SKIC2: variants seen among roughly 807,000 people sequenced by gnomAD.
The protein encoded by SKIC2 is SKI2 subunit of superkiller complex.
chr6:31,959,959 C>A, the SKIC2 span: 2 of 1,293,698 alleles, frequency 1.5e-6, no homozygotes, highest in Non-Finnish European at 2.2e-6. Context: ...CTTTTGTCTG[C>A]ATTTTATCCT....
At chr6:31,960,424 T>G in the SKIC2 span, 1 of 1,611,256 alleles carries the variant, frequency 6.2e-7, no homozygotes, top group East Asian at 2.2e-5. Context: ...TCTGATCTCT[T>G]GCCTTAGGTC....
the SKIC2 span, chr6:31,967,650 C>T: frequency 1.3e-6 from 2 of 1,570,840 alleles, no homozygotes. This position sits in a 1 kb window ranked among gnomAD's most constrained non-coding sequence, Gnocchi z 4.9. Flanking sequence ...GGGTGGGTAT[C>T]TGGTCTCTGC....
the SKIC2 span, chr6:31,965,983 C>A: frequency 6.2e-7 from 1 of 1,607,456 alleles, no homozygotes. The surrounding 1 kb of genome is among the most constrained non-coding windows in gnomAD (Gnocchi z 5.6). Flanking sequence ...GCCGAGTGCC[C>A]GAGATGGCAG....
the SKIC2 span, chr6:31,964,378 C>G: frequency 6.5e-7 from 1 of 1,541,562 alleles, no homozygotes; most frequent in Non-Finnish European, 8.9e-7. This position sits in a 1 kb window ranked among gnomAD's most constrained non-coding sequence, Gnocchi z 5.0. Flanking sequence ...CCTCAGGGTG[C>G]TTGTTGCCCA....
At chr6:31,967,214 A>AGAG in the SKIC2 span, 1 of 1,608,860 alleles carries the variant, frequency 6.2e-7, no homozygotes, top group Admixed American at 1.7e-5. This position sits in a 1 kb window ranked among gnomAD's most constrained non-coding sequence, Gnocchi z 4.9. Flanking sequence ...GGTGCTACTA[A>AGAG]ACTTAGTCCA....
chr6:31,968,337 T>C, the SKIC2 span: 5 of 1,612,330 alleles, frequency 3.1e-6, no homozygotes, highest in Non-Finnish European at 4.2e-6. This position sits in a 1 kb window ranked among gnomAD's most constrained non-coding sequence, Gnocchi z 6.1. Flanking sequence ...GGAAGGATCC[T>C]CCCCTTGCAG....
At chr6:31,965,868 G>A in the SKIC2 span, 1 of 1,613,040 alleles carries the variant, frequency 6.2e-7, no homozygotes, top group Non-Finnish European at 8.5e-7. This position sits in a 1 kb window ranked among gnomAD's most constrained non-coding sequence, Gnocchi z 5.6. Context: ...AAACACGATG[G>A]CTCCACCTTC....
the SKIC2 span, chr6:31,960,904 C>A: frequency 1.1e-6 from 1 of 875,300 alleles, no homozygotes; most frequent in South Asian, 1.5e-5. Flanking sequence ...CCTTTACTGT[C>A]ATCTGTTGGG....
the SKIC2 span, chr6:31,965,908 G>A: frequency 2.6e-5 from 42 of 1,613,008 alleles, no homozygotes; most frequent in Non-Finnish European, 3.1e-5. The surrounding 1 kb of genome is among the most constrained non-coding windows in gnomAD (Gnocchi z 5.6). Flanking sequence ...AGTATGTGCA[G>A]ATGGCAGGCC....
chr6:31,962,428 T>C, the SKIC2 span: 1 of 1,613,624 alleles, frequency 6.2e-7, no homozygotes, highest in Non-Finnish European at 8.5e-7. This position sits in a 1 kb window ranked among gnomAD's most constrained non-coding sequence, Gnocchi z 5.0. Flanking sequence ...AACTTCATGC[T>C]CTCTTCCCAG....
the SKIC2 span, chr6:31,963,530 G>A: frequency 6.3e-7 from 1 of 1,598,922 alleles, no homozygotes; most frequent in Non-Finnish European, 8.5e-7. This position sits in a 1 kb window ranked among gnomAD's most constrained non-coding sequence, Gnocchi z 5.3. Context: ...TTTTGTTGCT[G>A]GACTCCCGAG....
At chr6:31,965,933 G>T in the SKIC2 span, 7 of 1,612,840 alleles carry the variant, frequency 4.3e-6, no homozygotes, top group Non-Finnish European at 4.2e-6. This position sits in a 1 kb window ranked among gnomAD's most constrained non-coding sequence, Gnocchi z 5.6. Context: ...AGGGCGGAGG[G>T]GCCTGGACCC....
chr6:31,962,680 A>G, the SKIC2 span: 1 of 1,606,576 alleles, frequency 6.2e-7, no homozygotes, highest in Non-Finnish European at 8.5e-7. This position sits in a 1 kb window ranked among gnomAD's most constrained non-coding sequence, Gnocchi z 5.0. Flanking sequence ...GAGACGAGCC[A>G]CTGGGGAGTC....
the SKIC2 span, chr6:31,963,224 G>A: frequency 2.5e-6 from 2 of 790,278 alleles, no homozygotes; most frequent in South Asian, 1.8e-5. This position sits in a 1 kb window ranked among gnomAD's most constrained non-coding sequence, Gnocchi z 5.3. Flanking sequence ...TGTCCCACCT[G>A]GTGGCTGTGG....
At chr6:31,965,687 G>A in the SKIC2 span, 1 of 708,374 alleles carries the variant, frequency 1.4e-6, no homozygotes. This position sits in a 1 kb window ranked among gnomAD's most constrained non-coding sequence, Gnocchi z 5.6. Flanking sequence ...AACTGGGATG[G>A]TGCCTTATGC....
chr6:31,961,573 A>G, the SKIC2 span: 1 of 1,612,240 alleles, frequency 6.2e-7, no homozygotes, highest in Non-Finnish European at 8.5e-7. Flanking sequence ...TATCCACCCC[A>G]GAGGCCCCAG....
chr6:31,961,952 A>T, the SKIC2 span: 2 of 1,613,034 alleles, frequency 1.2e-6, no homozygotes, highest in South Asian at 2.2e-5. Flanking sequence ...GCCATCCTGC[A>T]CTTGGAACGG....
the SKIC2 span, chr6:31,968,868 C>A: frequency 6.2e-7 from 1 of 1,612,304 alleles, no homozygotes; most frequent in Non-Finnish European, 8.5e-7. The surrounding 1 kb of genome is among the most constrained non-coding windows in gnomAD (Gnocchi z 6.1). Context: ...CTTTTTCTTG[C>A]AGGTGCTCCG....
At chr6:31,968,679 T>C in the SKIC2 span, 2,488 of 1,609,468 alleles carry the variant, frequency 1.5e-3, 59 homozygotes, top group South Asian at 0.025. The surrounding 1 kb of genome is among the most constrained non-coding windows in gnomAD (Gnocchi z 6.1). Flanking sequence ...CGGGTGGCTC[T>C]CTGCAGTACC....
Sources: allele counts gnomAD v4.1 joint callset, GRCh38; gene constraint gnomAD v4.1.1; non-coding constraint Gnocchi (gnomAD v3.1); transcripts MANE v1.5; gene names NCBI Gene and HGNC (gene_info 2026-07-23, HGNC 2026-07-21).